Variants in DNAH8 observed in about 807,000 individuals in gnomAD.
DNAH8 encodes the protein axonemal beta dynein heavy chain 8.
DNAH8 carries 382 observed loss-of-function variants against 562.1 expected under a neutral mutation model. That is an observed-to-expected ratio of 0.68 (90% CI 0.63 to 0.74). The LOEUF (loss-of-function observed/expected upper bound fraction) is 0.74, where lower values mean the gene tolerates loss of function less well. Among genes scored for constraint, DNAH8 ranks in the 30% least tolerant of loss-of-function variants. The pLI is 0.00. For synonymous variants in DNAH8, 1,881 were observed against 1,919.4 expected (o/e 0.98, Z 0.52); for missense variants, 5,203 against 5,620.4 (o/e 0.93, Z 2.37).
At chr6:38,797,489 C>A (rs1216858259) in intron 21 of DNAH8, among the ~76,000 whole-genome samples, 1 of 152,038 alleles carries the variant, frequency 6.6e-6, no homozygotes. Context: ...TGTAAGCTTC[C>A]CTGTGTCCTC....
chr6:38,943,710 G>C (rs1322412188), intron 79 of DNAH8, among the ~76,000 whole-genome samples: 3 of 152,050 alleles, frequency 2.0e-5, no homozygotes, highest in African/African-American at 7.2e-5. Context: ...CACCTTAGGG[G>C]GTCTTTTCTT....
At chr6:39,010,340 A>G (rs762355277) in intron 89 of DNAH8, among the ~76,000 whole-genome samples, 1 of 152,182 alleles carries the variant, frequency 6.6e-6, no homozygotes, top group Non-Finnish European at 1.5e-5. Flanking sequence ...TGAGTTCTGT[A>G]GTAAAAATGA....
In DNAH8 at chr6:39,012,521, C is replaced by G. The variant is rs765766734; in HGVS notation, c.13598C>G (p.Ser4533Trp). The change falls in exon 91 of 93, where the codon TCG (serine) becomes TGG (tryptophan). Residue 4533 changes from serine (S) to tryptophan (W), a missense_variant. By Grantham distance (177) the Ser-to-Trp change is radical. Around this residue, in one of 6 missense-constraint regions of DNAH8, gnomAD observed 1,399 missense variants for 1,518.4 expected, o/e 0.92. Transcript: ENST00000327475. ...PQLWKRVSWD[S>W]STLGFWFTEL... ...CTCTGGAAAAGAGTGTCTTGGGATTCGTCCACACTGGGCTTCTGGTTCACT... is the reference window on the plus strand; with the variant it reads ...CTCTGGAAAAGAGTGTCTTGGGATTGGTCCACACTGGGCTTCTGGTTCACT... 1 of 1,613,958 alleles carries G rather than the reference C, an allele frequency of 6.2e-7. No individual in the cohort carries two copies. The highest frequency in any genetic ancestry group is 8.5e-7 in the Non-Finnish European group (1 of 1,179,864).
chr6:38,917,460 C>A, intron 69 of DNAH8, 54 bp downstream of exon 69: 1 of 1,456,152 alleles, frequency 6.9e-7, no homozygotes. Flanking sequence ...CGTCCTCAGC[C>A]CAGGACACTC....
At chr6:38,722,212 GTTAT>G (rs960083491) in intron 1 of DNAH8, among the ~76,000 whole-genome samples, 37 of 152,304 alleles carry the variant, frequency 2.4e-4, no homozygotes, top group Non-Finnish European at 4.7e-4. Flanking sequence ...TGGACTTGGG[GTTAT>G]TTATTTTGGC....
At chr6:38,962,727 A>T (rs1036726080) in intron 82 of DNAH8, among the ~76,000 whole-genome samples, 1 of 152,216 alleles carries the variant, frequency 6.6e-6, no homozygotes, top group Non-Finnish European at 1.5e-5. Flanking sequence ...CTTAATCATA[A>T]TACCTGAGTC....
At chr6:38,900,028 T>C (rs985389826) in intron 62 of DNAH8, 122 bp downstream of exon 62, 103 of 833,172 alleles carry the variant, frequency 1.2e-4, no homozygotes, top group Middle Eastern at 3.7e-4. Context: ...TTAAGTATTA[T>C]ATATATAAGG....
In DNAH8 at chr6:38,826,182, G is replaced by T. The variant is rs761639011; in HGVS notation, c.3874G>T (p.Glu1292Ter). The change falls in exon 29 of 93, where the codon GAG becomes TAG. Residue 1292 changes from glutamate to a stop codon, truncating the protein, a stop_gained. Coordinates refer to ENST00000327475, the MANE Select transcript of DNAH8 (RefSeq NM_001206927.2). LOFTEE classifies it high-confidence loss of function. ...GCCGATGAAATTGGCCTTATCCATC[G>T]AGGCCAAGGCATGGAAGATGTTACT... ...TEPMKLALSI[E>*]AKAWKMLLCR... The T allele has an allele frequency of 2.5e-6, 4 of 1,605,328 alleles. No homozygotes were observed. The South Asian group carries it at 4.5e-5, about 18-fold the overall frequency.
At chr6:38,734,657 T>C (rs781086263) in intron 5 of DNAH8, 32 bp downstream of exon 5, 1 of 1,601,444 alleles carries the variant, frequency 6.2e-7, no homozygotes. Flanking sequence ...AATACATAGT[T>C]AAACATTGAA....
intron 91 of DNAH8, among the ~76,000 whole-genome samples, chr6:39,021,431 A>T (rs2150790175): frequency 6.6e-6 from 1 of 152,260 alleles, no homozygotes; most frequent in Middle Eastern, 3.4e-3. Flanking sequence ...AGAGATTCTG[A>T]TTGTATTTAT....
intron 52 of DNAH8, among the ~76,000 whole-genome samples, chr6:38,873,611 A>G (rs374023506): frequency 6.6e-6 from 1 of 152,104 alleles, no homozygotes; most frequent in African/African-American, 2.4e-5. Context: ...GGAATGAACT[A>G]TCTTTCCCAT....
intron 21 of DNAH8, among the ~76,000 whole-genome samples, chr6:38,802,346 C>T (rs2150294589): frequency 6.6e-6 from 1 of 152,254 alleles, no homozygotes; most frequent in South Asian, 2.1e-4. Flanking sequence ...TGGGCATGAG[C>T]AATCCTCTTG....
At chr6:39,000,254 C>CTT (rs1317816553) in intron 88 of DNAH8, among the ~76,000 whole-genome samples, 5 of 152,284 alleles carry the variant, frequency 3.3e-5, no homozygotes, top group Middle Eastern at 3.4e-3. Flanking sequence ...ATATGGTAAA[C>CTT]TCTAAAATCA....
chr6:38,752,137 GTTGAAATGCTTCCTCTTTCCTTCCTCCCC>G (rs1765509431), intron 9 of DNAH8, among the ~76,000 whole-genome samples: 1 of 152,050 alleles, frequency 6.6e-6, no homozygotes, highest in African/African-American at 2.4e-5. Flanking sequence ...TATTCTCTAA[GTTGAAATGCTTCCTCTTTCCTTCCTCCCC>G]CCACCCCACC....
rs2150467809 is a variant in DNAH8, at chr6:38,883,445, A to G, written c.8125A>G (p.Met2709Val). The G allele has an allele frequency of 2.5e-6, 4 of 1,608,006 alleles. No homozygotes were observed. Among genetic ancestry groups the G allele is most frequent in the Middle Eastern group, 1.7e-4 (1 of 6,036 alleles). The change falls in exon 55 of 93, where the codon ATG (methionine) becomes GTG (valine). Residue 2709 changes from methionine (M) to valine (V), a missense_variant. By Grantham distance (21) the Met-to-Val change is conservative. Coordinates refer to ENST00000327475, the MANE Select transcript of DNAH8 (RefSeq NM_001206927.2). Reference protein sequence around the residue: ...SLNFSSATEPMMFQRTIESYV... With the variant: ...SLNFSSATEPVMFQRTIESYV... ...AAACTTTTCATCTGCCACAGAACCA[A>G]TGATGTTTCAGGTGAAATCCATCAT...
intron 1 of DNAH8, among the ~76,000 whole-genome samples, chr6:38,718,029 G>T (rs1762477434): frequency 6.6e-6 from 1 of 152,134 alleles, no homozygotes; most frequent in Non-Finnish European, 1.5e-5. Flanking sequence ...GATGTGTCTT[G>T]GAGAGTTTTA....
chr6:38,795,407 G>A (rs1201490373), intron 21 of DNAH8, among the ~76,000 whole-genome samples: 4 of 152,110 alleles, frequency 2.6e-5, no homozygotes, highest in Non-Finnish European at 4.4e-5. Context: ...GTGAAACCCC[G>A]TCTCTACTAA....
rs143665215 is a variant in DNAH8 at position 38,963,070 on chromosome 6, C to T, written c.12452-8522C>T. On this transcript the variant is annotated intron_variant, in intron 82 of 92. Coordinates refer to ENST00000327475, the MANE Select transcript of DNAH8 (RefSeq NM_001206927.2). ...TACACCAAAATCTCAGAAATCACCA[C>T]TAAAAATCTTATTCATGCAACCAAA... Among the ~76,000 whole-genome samples, 266 of 152,048 alleles carry T rather than the reference C, an allele frequency of 1.7e-3. 2 individuals carry two copies. The highest frequency in any genetic ancestry group is 6.0e-3 in the African/African-American group (248 of 41,484).
rs1343547990 is a variant in DNAH8 at position 38,734,497 on chromosome 6, G to T, written c.634G>T (p.Ala212Ser). Residue 212 changes from alanine to serine, a missense_variant, in exon 5 of 93, where the codon GCA becomes TCA. Around this residue, in one of 6 missense-constraint regions of DNAH8, gnomAD observed 556 missense variants for 496.9 expected, o/e 1.12. Transcript: ENST00000327475. Reference protein sequence around the residue: ...GIECGRTIAGATKGAKMMKLY... With the variant: ...GIECGRTIAGSTKGAKMMKLY... Reference sequence around the variant, plus strand: ...AGAATGTGGTCGAACTATTGCTGGAGCAACTAAAGGGGCAAAAATGATGAA... The same window carrying T: ...AGAATGTGGTCGAACTATTGCTGGATCAACTAAAGGGGCAAAAATGATGAA... 6.2e-7 allele frequency: 1 copy of T among 1,613,670 alleles called. No individual in the cohort carries two copies. The highest frequency in any genetic ancestry group is 1.3e-5 in the African/African-American group (1 of 74,890).
Sources: gnomAD v4.1 joint callset for allele counts (sites outside exome capture counted in the v4.1 genomes callset) on GRCh38, gnomAD v4.1.1 for gene constraint, gnomAD v4.1.1 regional missense constraint, MANE v1.5 for transcripts, NCBI Gene and HGNC (gene_info 2026-07-23, HGNC 2026-07-21) for gene names.